Variants in RNF111 observed in about 807,000 individuals in gnomAD.
The protein encoded by RNF111 is ring finger protein 111.
In RNF111, 17 loss-of-function variants were observed where a neutral mutation model predicts 95.1. That is an observed-to-expected ratio of 0.18 (90% CI 0.12 to 0.27). The LOEUF (loss-of-function observed/expected upper bound fraction) is 0.27, where lower values mean the gene tolerates loss of function less well. Among genes scored for constraint, RNF111 ranks in the 10% least tolerant of loss-of-function variants. The pLI is 1.00. For missense variants in RNF111, 1,189 were observed against 1,210.4 expected (o/e 0.98, Z 0.26); for synonymous variants, 440 against 414.8 (o/e 1.06, Z -0.74).
At chr15:59,055,062 A>G (rs913272130) in intron 3 of RNF111, among the ~76,000 whole-genome samples, 1 of 152,228 alleles carries the variant, frequency 6.6e-6, no homozygotes, top group African/African-American at 2.4e-5. Context: ...AAATGAAGTT[A>G]GATGTTTAGG....
At chr15:59,079,511 C>G (rs1165073467) in intron 7 of RNF111, among the ~76,000 whole-genome samples, 1 of 152,164 alleles carries the variant, frequency 6.6e-6, no homozygotes, top group Admixed American at 6.5e-5. Context: ...TTATTGTTAC[C>G]TAACTTCTGC....
chr15:59,094,523 G>A lies in RNF111; in HGVS notation c.2844-260G>A, dbSNP rs569015973. On this transcript the variant is annotated intron_variant, in intron 13 of 13. Transcript: ENST00000348370. ...GCAGCTCCTGTACCAAAACAAAACT[G>A]GAATAATTGGCAGTGTAATTTGTGT... Among the ~76,000 whole-genome samples, 4 of 152,132 alleles carry A rather than the reference G, an allele frequency of 2.6e-5. 1 individual carries two copies. Among genetic ancestry groups the A allele is most frequent in the African/African-American group, 9.6e-5 (4 of 41,510 alleles).
chr15:59,081,347 T>C, intron 8 of RNF111, 63 bp downstream of exon 8: 1 of 1,389,042 alleles, frequency 7.2e-7, no homozygotes, highest in Non-Finnish European at 9.9e-7. Flanking sequence ...CATTGGTCTT[T>C]ACAACTCTGA....
chr15:58,989,067 T>TGTGA (rs1431192911), intron 1 of RNF111, among the ~76,000 whole-genome samples: 1 of 152,206 alleles, frequency 6.6e-6, no homozygotes, highest in African/African-American at 2.4e-5. Context: ...TGTGTGTGTG[T>TGTGA]GATGGTTGTA....
chr15:59,094,526 A>G (rs1353722334), intron 13 of RNF111, among the ~76,000 whole-genome samples: 2 of 152,210 alleles, frequency 1.3e-5, no homozygotes, highest in Non-Finnish European at 2.9e-5. Context: ...CAAAACTGGA[A>G]TAATTGGCAG....
chr15:59,095,575 T>C lies in RNF111; in HGVS notation c.*675T>C, dbSNP rs2079163585. 6.5e-6 allele frequency: 1 copy of C among 154,444 alleles called. No homozygotes were observed. Among genetic ancestry groups the C allele is most frequent in the Non-Finnish European group, 1.4e-5 (1 of 69,354 alleles). The allele number at this position is 154,444 out of a possible 1,614,324, so 9.6% of individuals were successfully genotyped here. ...CACAGTGCAGATAAGAGTTGAATAT[T>C]GATATCATACATTTAGACTGCTGTT... is the stretch of plus-strand genomic sequence containing the variant. On this transcript the variant is annotated 3_prime_UTR_variant, in exon 14 of 14. Coordinates refer to ENST00000348370, the MANE Select transcript of RNF111 (RefSeq NM_017610.8).
At chr15:58,996,404 C>T (rs1287078340) in intron 1 of RNF111, among the ~76,000 whole-genome samples, 2 of 151,564 alleles carry the variant, frequency 1.3e-5, no homozygotes. Context: ...GAAACCCTGT[C>T]TCAACTGAAA....
intron 10 of RNF111, among the ~76,000 whole-genome samples, chr15:59,088,260 A>G (rs1180627456): frequency 6.6e-6 from 1 of 152,156 alleles, no homozygotes; most frequent in African/African-American, 2.4e-5. Context: ...CGAATAGGAG[A>G]AAAGCTCATC....
chr15:59,007,661 T>C (rs1354667098), intron 1 of RNF111, among the ~76,000 whole-genome samples: 2 of 152,194 alleles, frequency 1.3e-5, no homozygotes, highest in African/African-American at 4.8e-5. Context: ...TGGAATATCC[T>C]TGCCAGTGTT....
chr15:59,063,549 G>A (rs1258766083), intron 5 of RNF111, among the ~76,000 whole-genome samples: 1 of 152,104 alleles, frequency 6.6e-6, no homozygotes, highest in East Asian at 1.9e-4. Flanking sequence ...AAAAGGAAGT[G>A]TTTTATTTAC....
At chr15:59,047,139 C>T (rs2041751840) in intron 2 of RNF111, among the ~76,000 whole-genome samples, 1 of 151,980 alleles carries the variant, frequency 6.6e-6, no homozygotes, top group African/African-American at 2.4e-5. Context: ...TCTTATAATT[C>T]AACAATGAGA....
chr15:59,025,846 T>C (rs1226991808), intron 1 of RNF111, among the ~76,000 whole-genome samples: 9 of 152,094 alleles, frequency 5.9e-5, no homozygotes, highest in African/African-American at 2.2e-4. Flanking sequence ...TTCTCCTGCC[T>C]CAGCCTCCCG....
At chr15:59,060,521 A>G (rs2042388788) in intron 5 of RNF111, among the ~76,000 whole-genome samples, 1 of 152,166 alleles carries the variant, frequency 6.6e-6, no homozygotes, top group Non-Finnish European at 1.5e-5. Flanking sequence ...CTTTAGTGCC[A>G]GCTACTCAGA....
At chr15:59,027,169 C>G (rs771147090) in intron 1 of RNF111, among the ~76,000 whole-genome samples, 10 of 152,136 alleles carry the variant, frequency 6.6e-5, no homozygotes, top group Non-Finnish European at 1.3e-4. Flanking sequence ...AACATGAGGA[C>G]TTAGTAATTA....
At chr15:59,063,432 A>C (rs1030342068) in intron 5 of RNF111, among the ~76,000 whole-genome samples, 39 of 152,278 alleles carry the variant, frequency 2.6e-4, no homozygotes, top group African/African-American at 9.1e-4. Context: ...CACTCCTAGG[A>C]GGCACTTTAA....
chr15:59,036,640 A>C (rs2041193090), intron 2 of RNF111, among the ~76,000 whole-genome samples: 1 of 152,208 alleles, frequency 6.6e-6, no homozygotes, highest in Non-Finnish European at 1.5e-5. Context: ...TTACAATTCA[A>C]GGTGAGATTT....
chr15:59,081,940 G>A lies in RNF111; in HGVS notation c.2297+656G>A, dbSNP rs572536892. ...CTGGGTAGGCTGAGATGAAAGGATC[G>A]TCTGAGCCCAGGGGGTCAAGGCTGG... On this transcript the variant is annotated intron_variant, in intron 8 of 13. Transcript: ENST00000348370. 2.4e-4 allele frequency among the ~76,000 whole-genome samples: 37 copies of A among 152,212 alleles called. No homozygotes were observed. The South Asian group carries it at 5.2e-3, about 21-fold the overall frequency.
intron 1 of RNF111, among the ~76,000 whole-genome samples, chr15:59,019,130 T>C (rs976210030): frequency 7.5e-6 from 1 of 133,900 alleles, no homozygotes; most frequent in African/African-American, 2.8e-5. Context: ...TTTGTAGAGG[T>C]GAGGTTTCAT....
chr15:59,057,683 T>A (rs2042253984), intron 4 of RNF111, among the ~76,000 whole-genome samples: 1 of 152,200 alleles, frequency 6.6e-6, no homozygotes, highest in South Asian at 2.1e-4. Flanking sequence ...TATTAATATT[T>A]ACAAAATTTT....
Sources: allele counts gnomAD v4.1 joint callset (sites outside exome capture counted in the v4.1 genomes callset), GRCh38; gene constraint gnomAD v4.1.1; transcripts MANE v1.5; gene names NCBI Gene and HGNC (gene_info 2026-07-23, HGNC 2026-07-21).